Variants in RGS17 observed in about 807,000 individuals in gnomAD.
The protein encoded by RGS17 is regulator of G protein signaling 17.
A neutral mutation model predicts 25.5 loss-of-function variants in RGS17; 12 were observed. The observed-to-expected ratio is 0.47, with a 90% CI of 0.30 to 0.76. The LOEUF (loss-of-function observed/expected upper bound fraction) is 0.76, where lower values mean the gene tolerates loss of function less well. RGS17 is among the 30% of genes least tolerant of loss of function. The probability of loss-of-function intolerance (pLI) is 0.07; values close to 1 mark genes in which losing one functional copy is unlikely to be tolerated. For missense variants in RGS17, 196 were observed against 242.2 expected, an observed-to-expected ratio of 0.81 and a Z score of 1.27; for synonymous variants, 71 against 76.9, an observed-to-expected ratio of 0.92 and a Z score of 0.40.
At chr6:153,108,767 T>A (rs1299863214) in intron 1 of RGS17, among the ~76,000 whole-genome samples, 3 of 112,728 alleles carry the variant, frequency 2.7e-5, no homozygotes, top group African/African-American at 9.7e-5. Flanking sequence ...CACTTAGCCT[T>A]ATGTATTTGT....
chr6:153,082,023 G>A (rs777917630), intron 1 of RGS17, among the ~76,000 whole-genome samples: 7 of 152,116 alleles, frequency 4.6e-5, no homozygotes, highest in Non-Finnish European at 7.4e-5. Context: ...AAGATTCCTG[G>A]TTGTTTCTTT....
intron 1 of RGS17, among the ~76,000 whole-genome samples, chr6:153,110,459 T>TACACACA (rs1777452429): frequency 2.6e-5 from 2 of 75,982 alleles, no homozygotes; most frequent in African/African-American, 9.8e-5. Context: ...CACACACACT[T>TACACACA]CAATATAATA....
intron 1 of RGS17, among the ~76,000 whole-genome samples, chr6:153,123,208 A>G (rs558185293): frequency 4.6e-5 from 7 of 152,246 alleles, no homozygotes; most frequent in African/African-American, 1.4e-4. Context: ...AATTTTGATC[A>G]TACTAAACTC....
chr6:153,111,242 G>A (rs559221313), intron 1 of RGS17, among the ~76,000 whole-genome samples: 4 of 152,252 alleles, frequency 2.6e-5, no homozygotes, highest in African/African-American at 7.2e-5. Context: ...TGGGATGCTC[G>A]AGCTTAGTCG....
At chr6:153,115,647 A>G (rs941780244) in intron 1 of RGS17, among the ~76,000 whole-genome samples, 3 of 152,222 alleles carry the variant, frequency 2.0e-5, no homozygotes, top group African/African-American at 4.8e-5. Flanking sequence ...ACAAAGCTGG[A>G]GGCATCACAC....
intron 1 of RGS17, among the ~76,000 whole-genome samples, chr6:153,107,790 G>T (rs1222497314): frequency 6.6e-6 from 1 of 152,172 alleles, no homozygotes; most frequent in Non-Finnish European, 1.5e-5. Flanking sequence ...ACCAACAGGT[G>T]CATTAGCTAT....
intron 4 of RGS17, among the ~76,000 whole-genome samples, chr6:153,014,324 T>G (rs1485534689): frequency 6.6e-6 from 1 of 151,986 alleles, no homozygotes; most frequent in Non-Finnish European, 1.5e-5. Context: ...GCCCTACTGC[T>G]CAAAGAAAAA....
rs571918328 is a variant in RGS17 at position 153,009,329 on chromosome 6, G to A, written c.*2245C>T. The stretch of plus-strand genomic sequence containing the variant: ...ATTTTCTAGTCATGTGCACCAATTT[G>A]TTGAGCCTCACACACAGAAACAAAT... On this transcript the variant is annotated 3_prime_UTR_variant, in exon 5 of 5. Coordinates refer to ENST00000206262, the MANE Select transcript of RGS17 (RefSeq NM_012419.5). 1.3e-5 allele frequency: 2 copies of A among 151,966 alleles called. No homozygotes were observed. The highest frequency in any genetic ancestry group is 1.5e-5 in the Non-Finnish European group (1 of 67,930). The allele number at this position is 151,966 out of a possible 1,614,324, so 9.4% of individuals were successfully genotyped here. A position where few individuals can be genotyped will look rare whatever the true frequency, so the allele number is the denominator to read the frequency against.
chr6:153,022,904 T>A (rs1260155803), intron 4 of RGS17, among the ~76,000 whole-genome samples: 1 of 152,180 alleles, frequency 6.6e-6, no homozygotes. Context: ...GATGTCACAC[T>A]GTATTACATT....
chr6:153,054,735 G>A (rs891965364), intron 1 of RGS17, among the ~76,000 whole-genome samples: 1 of 126,038 alleles, frequency 7.9e-6, no homozygotes, highest in Non-Finnish European at 1.6e-5. Context: ...TCTTTCAACC[G>A]GCTTAAAAAA....
chr6:153,086,554 G>A (rs766400981), intron 1 of RGS17, among the ~76,000 whole-genome samples: 1 of 152,160 alleles, frequency 6.6e-6, no homozygotes. Context: ...ATCTTCTTTC[G>A]ATTCCATGTG....
chr6:153,059,773 T>A (rs888722209), intron 1 of RGS17, among the ~76,000 whole-genome samples: 1 of 152,332 alleles, frequency 6.6e-6, no homozygotes, highest in Admixed American at 6.5e-5. Flanking sequence ...GCTGATGATA[T>A]TTCTTCAGAA....
chr6:153,044,241 T>G (rs1776359836), intron 1 of RGS17, among the ~76,000 whole-genome samples, 198 bp from the exon 2 acceptor site: 1 of 152,162 alleles, frequency 6.6e-6, no homozygotes, highest in Non-Finnish European at 1.5e-5. Context: ...GGGAGGAACG[T>G]CTACCTTTAT....
chr6:153,127,089 G>A (rs1382758339), intron 1 of RGS17, among the ~76,000 whole-genome samples: 1 of 152,134 alleles, frequency 6.6e-6, no homozygotes, highest in Non-Finnish European at 1.5e-5. Flanking sequence ...CATAAGGAGT[G>A]CACAACCTCA....
At chr6:153,011,857 A>T (rs976525089) in intron 4 of RGS17, 95 bp from the exon 5 acceptor site, 1 of 882,658 alleles carries the variant, frequency 1.1e-6, no homozygotes, top group African/African-American at 1.7e-5. Context: ...GAGAAACTTT[A>T]AAGAGCAAAT....
At chr6:153,072,324 A>T (rs914094797) in intron 1 of RGS17, among the ~76,000 whole-genome samples, 3 of 152,206 alleles carry the variant, frequency 2.0e-5, no homozygotes, top group Admixed American at 6.5e-5. Context: ...AGTCAGTCTC[A>T]TGAAGTAAAG....
chr6:153,053,968 CATATATAT>C (rs1562321314), intron 1 of RGS17, among the ~76,000 whole-genome samples: 2 of 41,632 alleles, frequency 4.8e-5, no homozygotes, highest in Non-Finnish European at 9.5e-5. Flanking sequence ...ATATTATATA[CATATATAT>C]GTATATATGT....
At chr6:153,077,671 G>C (rs1390708953) in intron 1 of RGS17, among the ~76,000 whole-genome samples, 2 of 151,992 alleles carry the variant, frequency 1.3e-5, no homozygotes, top group African/African-American at 4.8e-5. Context: ...TTCATAATGA[G>C]AAAGTTGGGG....
Position 153,010,848 on chromosome 6 carries a change from A to G in RGS17, c.*726T>C, listed in dbSNP as rs1272340112. ...TTTTGATTTGTCATTGAGATAGGAT[A>G]TCTTCAAATTGTTTTGTGCTTTTTT... is the stretch of plus-strand genomic sequence containing the variant. On this transcript the variant is annotated 3_prime_UTR_variant, in exon 5 of 5. Coordinates refer to ENST00000206262, the MANE Select transcript of RGS17 (RefSeq NM_012419.5). 2.0e-5 allele frequency: 3 copies of G among 149,204 alleles called. No homozygotes were observed. The highest frequency in any genetic ancestry group is 4.5e-5 in the Non-Finnish European group (3 of 67,302). The allele number at this position is 149,204 out of a possible 1,614,324, so 9.2% of individuals were successfully genotyped here. A position where few individuals can be genotyped will look rare whatever the true frequency, so the allele number is the denominator to read the frequency against.
Sources: allele counts gnomAD v4.1 joint callset (sites outside exome capture counted in the v4.1 genomes callset), GRCh38; gene constraint gnomAD v4.1.1; transcripts MANE v1.5; gene names NCBI Gene and HGNC (gene_info 2026-07-23, HGNC 2026-07-21).